ULK4: variants seen among roughly 807,000 people sequenced by gnomAD.
ULK4 encodes the protein unc-51 like kinase 4, also known as inactive serine/threonine-protein kinase ULK4.
In ULK4, 133 loss-of-function variants were observed where a neutral mutation model predicts 160.6. The observed-to-expected ratio is 0.83, with a 90% CI of 0.72 to 0.96. The LOEUF (loss-of-function observed/expected upper bound fraction) is 0.96, where lower values mean the gene tolerates loss of function less well. ULK4 is among the 40% of genes least tolerant of loss of function. ULK4 has a pLI of 0.00. For missense variants in ULK4, 1,580 were observed against 1,499.5 expected (o/e 1.05, Z -0.89); for synonymous variants, 534 against 539.8 (o/e 0.99, Z 0.15).
At chr3:41,359,899 T>C (rs563193771) in intron 35 of ULK4, among the ~76,000 whole-genome samples, 2 of 152,080 alleles carry the variant, frequency 1.3e-5, no homozygotes, top group South Asian at 2.1e-4. Context: ...CCAAAAGCAA[T>C]TGCAACAAAA....
At position 41,272,815 on chromosome 3, in the gene ULK4, C is replaced by G. The variant is rs182924421; in HGVS notation, c.3679-23241G>C. Among the ~76,000 whole-genome samples, 13 of 152,232 alleles carry G rather than the reference C, an allele frequency of 8.5e-5. No homozygotes were observed. In the East Asian group the frequency reaches 2.5e-3, roughly 29 times the overall value. On this transcript the variant is annotated intron_variant, in intron 35 of 36. Coordinates refer to ENST00000301831, the MANE Select transcript of ULK4 (RefSeq NM_017886.4). ...TGTTTCATTTTGGATAGCTTCTATACGTTCACACTCAGTAATTTTTCTTCT... is the reference window on the plus strand; with the variant it reads ...TGTTTCATTTTGGATAGCTTCTATAGGTTCACACTCAGTAATTTTTCTTCT...
At chr3:41,916,896 C>T (rs1383793561) in intron 7 of ULK4, among the ~76,000 whole-genome samples, 3 of 151,098 alleles carry the variant, frequency 2.0e-5, no homozygotes, top group African/African-American at 7.3e-5. Context: ...TTAGTAGAGA[C>T]AGGGTTTCAC....
chr3:41,571,718 G>A (rs1366319526), intron 31 of ULK4, among the ~76,000 whole-genome samples: 1 of 152,206 alleles, frequency 6.6e-6, no homozygotes, highest in Non-Finnish European at 1.5e-5. Flanking sequence ...TCCTCTGGGA[G>A]AGCCCCTCCA....
At chr3:41,953,789 T>C (rs1000348824) in intron 2 of ULK4, among the ~76,000 whole-genome samples, 1 of 152,150 alleles carries the variant, frequency 6.6e-6, no homozygotes, top group Non-Finnish European at 1.5e-5. Context: ...GGCTCCTGCC[T>C]GTAATCCCAA....
intron 17 of ULK4, among the ~76,000 whole-genome samples, chr3:41,870,499 A>C (rs1311399084): frequency 6.6e-6 from 1 of 152,166 alleles, no homozygotes; most frequent in Non-Finnish European, 1.5e-5. Flanking sequence ...ACGTCCATCC[A>C]ATAAGTGTTT....
intron 32 of ULK4, among the ~76,000 whole-genome samples, chr3:41,490,722 A>G (rs1224575116): frequency 6.6e-6 from 1 of 152,226 alleles, no homozygotes; most frequent in Non-Finnish European, 1.5e-5. Context: ...AGTTTTCTAC[A>G]ATGTCTACCA....
intron 35 of ULK4, among the ~76,000 whole-genome samples, chr3:41,325,279 C>G (rs1264997119): frequency 1.3e-5 from 2 of 151,754 alleles, no homozygotes; most frequent in Non-Finnish European, 2.9e-5. Flanking sequence ...GAAAAGAAAC[C>G]CAGGAGGTGG....
intron 27 of ULK4, among the ~76,000 whole-genome samples, chr3:41,703,405 A>G (rs185063731): frequency 6.6e-6 from 1 of 152,322 alleles, no homozygotes; most frequent in Non-Finnish European, 1.5e-5. Context: ...CATGACATTT[A>G]AGTACATATA....
intron 21 of ULK4, among the ~76,000 whole-genome samples, chr3:41,773,404 A>C (rs1359022499): frequency 6.6e-6 from 1 of 152,224 alleles, no homozygotes; most frequent in Non-Finnish European, 1.5e-5. Context: ...TGCAAAAATC[A>C]CAGGCATTCT....
intron 22 of ULK4, among the ~76,000 whole-genome samples, chr3:41,731,480 G>T (rs550100377): frequency 9.9e-5 from 15 of 151,848 alleles, no homozygotes; most frequent in Admixed American, 2.0e-4. Context: ...AAATTAAACA[G>T]GACACAAGTA....
At chr3:41,589,430 C>CAAAAAAA (rs34913730) in intron 31 of ULK4, among the ~76,000 whole-genome samples, 1 of 72,098 alleles carries the variant, frequency 1.4e-5, no homozygotes, top group African/African-American at 5.4e-5. Context: ...AAGGCCAGGC[C>CAAAAAAA]AAAAAAAAAA....
intron 32 of ULK4, among the ~76,000 whole-genome samples, chr3:41,564,164 C>A (rs1053041256): frequency 1.6e-4 from 24 of 152,172 alleles, no homozygotes; most frequent in Admixed American, 2.0e-4. Flanking sequence ...CCACTCCAGA[C>A]CCTGTTTGCC....
At chr3:41,901,610 C>T (rs915881555) in intron 12 of ULK4, among the ~76,000 whole-genome samples, 73 of 150,984 alleles carry the variant, frequency 4.8e-4, no homozygotes, top group African/African-American at 1.7e-3. Context: ...CCTCCCAAGT[C>T]GTGGAATTAC....
chr3:41,451,523 A>G (rs1348561414), intron 34 of ULK4, among the ~76,000 whole-genome samples: 5 of 151,996 alleles, frequency 3.3e-5, no homozygotes, highest in Admixed American at 6.6e-5. Context: ...CATCTCATTT[A>G]ATCCTCAGGC....
chr3:41,409,618 C>A (rs6599152), intron 34 of ULK4, among the ~76,000 whole-genome samples: 32,831 of 152,008 alleles, frequency 0.22, 3,963 homozygotes, highest in African/African-American at 0.32. Flanking sequence ...TCAATAAGAA[C>A]AGGAAAAGAT....
At position 41,398,184 on chromosome 3, in the gene ULK4, G is replaced by A. The variant is rs1232108449; in HGVS notation, c.3573C>T (p.Asn1191=). The change falls in exon 35 of 37, where the codon AAC becomes AAT. Residue 1191 remains asparagine, a synonymous_variant. Transcript: ENST00000301831. ...SILVQLYGGE[N]PDSLSPENVE... is the part of the protein sequence containing the mutation. ...CATTTTCAGGAGAGAGGCTGTCCGG[G>A]TTTTCCCCTCCATACAGCTGAACCA... The A allele has an allele frequency of 1.9e-6, 3 of 1,613,424 alleles. No individual in the cohort carries two copies. The highest frequency in any genetic ancestry group is 2.5e-6 in the Non-Finnish European group (3 of 1,179,674).
intron 21 of ULK4, among the ~76,000 whole-genome samples, chr3:41,787,043 G>C (rs1028949817): frequency 1.3e-5 from 2 of 152,140 alleles, no homozygotes; most frequent in African/African-American, 4.8e-5. Flanking sequence ...GAGAGGGGCA[G>C]CCTGGCAAGA....
chr3:41,721,884 A>G (rs2037483201), intron 22 of ULK4, among the ~76,000 whole-genome samples: 1 of 152,144 alleles, frequency 6.6e-6, no homozygotes, highest in African/African-American at 2.4e-5. Flanking sequence ...CTCCAGCAGT[A>G]CCCCAAAACT....
At position 41,565,826 on chromosome 3, in the gene ULK4, T is replaced by C. The variant is rs139943911; in HGVS notation, c.3226+199A>G. 7.6e-4 allele frequency among the ~76,000 whole-genome samples: 116 copies of C among 152,324 alleles called. 1 individual carries two copies. Among genetic ancestry groups the C allele is most frequent in the African/African-American group, 2.4e-3 (101 of 41,568 alleles). ...GTTTGTCATCTTTAAGCAGTGACTA[T>C]TGACTTTATGCCATTAAGAGAATGA... On this transcript the variant is annotated intron_variant, in intron 32 of 36. Coordinates refer to ENST00000301831, the MANE Select transcript of ULK4 (RefSeq NM_017886.4).
Sources: allele counts gnomAD v4.1 joint callset (sites outside exome capture counted in the v4.1 genomes callset), GRCh38; gene constraint gnomAD v4.1.1; transcripts MANE v1.5; gene names NCBI Gene and HGNC (gene_info 2026-07-23, HGNC 2026-07-21).